CAMK2G: variants seen among roughly 807,000 people sequenced by gnomAD.
CAMK2G encodes calcium/calmodulin-dependent protein kinase type II subunit gamma.
Under a neutral mutation model 88.7 loss-of-function variants are expected in CAMK2G, and 23 were observed. The observed-to-expected ratio is 0.26, with a 90% CI of 0.19 to 0.37. The LOEUF (loss-of-function observed/expected upper bound fraction) is 0.37, where lower values mean the gene tolerates loss of function less well. Ranked by LOEUF, CAMK2G falls within the 10% of genes least tolerant of loss-of-function variation. The pLI is 1.00. For synonymous variants in CAMK2G, 263 were observed against 294.8 expected (o/e 0.89, Z 1.11); for missense variants, 476 against 780.8 (o/e 0.61, Z 4.65).
Position 73,819,561 on chromosome 10 carries a change from T to C in CAMK2G, c.1334A>G (p.Gln445Arg), listed in dbSNP as rs1243986572. 2.6e-6 allele frequency: 4 copies of C among 1,549,556 alleles called. No individual in the cohort carries two copies. Among genetic ancestry groups the C allele is most frequent in the Admixed American group, 2.0e-5 (1 of 51,008 alleles). ...RDRTAPSAGM[Q>R]PQPSLCSSAM... ...TGAGGAGCAGAGAGAAGGCTGGGGC[T>C]GCATGCCTGCAGAGGGGGCTGTTCT... Residue 445 changes from glutamine to arginine, a missense_variant, in exon 19 of 23, where the codon CAG becomes CGG. Coordinates refer to ENST00000423381, the MANE Select transcript of CAMK2G (RefSeq NM_001367534.1).
chr10:73,858,297 T>C (rs1477384563), intron 3 of CAMK2G, among the ~76,000 whole-genome samples: 1 of 152,180 alleles, frequency 6.6e-6, no homozygotes, highest in Non-Finnish European at 1.5e-5. Flanking sequence ...CCCGTTTGTT[T>C]CCCTTTGGGA....
intron 13 of CAMK2G, among the ~76,000 whole-genome samples, chr10:73,838,809 T>TA (rs1425296766): frequency 6.6e-6 from 1 of 152,032 alleles, no homozygotes; most frequent in Non-Finnish European, 1.5e-5. Flanking sequence ...CCTGGGAGCT[T>TA]AAAAAAAGCG....
intron 10 of CAMK2G, among the ~76,000 whole-genome samples, chr10:73,845,103 T>C (rs564705907): frequency 9.2e-5 from 14 of 152,186 alleles, no homozygotes; most frequent in East Asian, 1.9e-4. Flanking sequence ...TCAACCAGCA[T>C]AGGAACAGGC....
Position 73,839,668 on chromosome 10 carries a change from G to A in CAMK2G, c.947-67C>T. 9.9e-7 allele frequency: 1 copy of A among 1,006,414 alleles called. No homozygotes were observed. The highest frequency in any genetic ancestry group is 1.3e-6 in the Non-Finnish European group (1 of 781,246). 62.3% of individuals were successfully genotyped at this position (1,006,414 alleles called of 1,614,324 possible). A position where few individuals can be genotyped will look rare whatever the true frequency, so the allele number is the denominator to read the frequency against. ...CCACGGGGCCGTCAGCAGCGAGCAT[G>A]CCCCAGCGCGAGGCGCAGCCCAGGC... On this transcript the variant is annotated intron_variant, in intron 12 of 22. Coordinates refer to ENST00000423381, the MANE Select transcript of CAMK2G (RefSeq NM_001367534.1). This position sits in a 1 kb window ranked among gnomAD's most constrained non-coding sequence, Gnocchi z 4.2.
chr10:73,864,835 G>A (rs1001543290), intron 2 of CAMK2G, among the ~76,000 whole-genome samples: 1 of 152,210 alleles, frequency 6.6e-6, no homozygotes, highest in Admixed American at 6.5e-5. Context: ...CAGTAGAGAC[G>A]GGGTTTCACT....
chr10:73,869,830 T>C (rs147204855), intron 2 of CAMK2G, among the ~76,000 whole-genome samples: 124 of 152,340 alleles, frequency 8.1e-4, no homozygotes, highest in Middle Eastern at 6.8e-3. Context: ...TAGCATCTCT[T>C]AGTAAGGCCA....
At chr10:73,816,806 C>G (rs774587456) in intron 21 of CAMK2G, 1 of 1,521,072 alleles carries the variant, frequency 6.6e-7, no homozygotes, top group Non-Finnish European at 8.8e-7. Context: ...CACAAAGCAG[C>G]TGCAGAATGA....
intron 14 of CAMK2G, among the ~76,000 whole-genome samples, chr10:73,832,019 G>A (rs1294000000): frequency 6.6e-6 from 1 of 151,146 alleles, no homozygotes; most frequent in Non-Finnish European, 1.5e-5. Flanking sequence ...CCAAGTAGCT[G>A]GGATTACCAG....
At position 73,848,343 on chromosome 10, in the gene CAMK2G, T is replaced by C. The variant is rs2094396863; in HGVS notation, c.601+183A>G. Among the ~76,000 whole-genome samples the C allele has an allele frequency of 6.6e-6, 1 of 152,206 alleles. No homozygotes were observed. The highest frequency in any genetic ancestry group is 2.1e-4 in the South Asian group (1 of 4,836). On this transcript the variant is annotated intron_variant, in intron 8 of 22. Coordinates refer to ENST00000423381, the MANE Select transcript of CAMK2G (RefSeq NM_001367534.1). This position sits in a 1 kb window ranked among gnomAD's most constrained non-coding sequence, Gnocchi z 4.5. Reference sequence around the variant, plus strand: ...ATCCCTCTCCAAGAAGGATACAATGTCATCCCAGAAGTACGCAGGGAGGAG... The same window carrying C: ...ATCCCTCTCCAAGAAGGATACAATGCCATCCCAGAAGTACGCAGGGAGGAG...
At chr10:73,868,893 G>C (rs1207950956) in intron 2 of CAMK2G, among the ~76,000 whole-genome samples, 1 of 152,164 alleles carries the variant, frequency 6.6e-6, no homozygotes. Context: ...CCTTCTGGTG[G>C]CCAACATGCC....
chr10:73,847,419 C>T, intron 9 of CAMK2G, 72 bp from the exon 10 acceptor site: 3 of 1,507,552 alleles, frequency 2.0e-6, no homozygotes. Flanking sequence ...GTTCTGTCTT[C>T]AACTCAACTC....
chr10:73,816,060 T>C, intron 21 of CAMK2G: 5 of 985,480 alleles, frequency 5.1e-6, no homozygotes, highest in Non-Finnish European at 4.8e-6. Context: ...GCGGAGAAGT[T>C]AGTGACTAAC....
chr10:73,848,268 T>C lies in CAMK2G; in HGVS notation c.602-186A>G, dbSNP rs2094391178. Among the ~76,000 whole-genome samples the C allele has an allele frequency of 6.6e-6, 1 of 152,172 alleles. No homozygotes were observed. The highest frequency in any genetic ancestry group is 1.5e-5 in the Non-Finnish European group (1 of 68,028). On this transcript the variant is annotated intron_variant, in intron 8 of 22. Transcript: ENST00000423381. This position sits in a 1 kb window ranked among gnomAD's most constrained non-coding sequence, Gnocchi z 4.5. ...ATGCCTCACACTTCACGTCACCAAGTCACACCAGGGATTTCTTTAGGCACA... is the reference window on the plus strand; with the variant it reads ...ATGCCTCACACTTCACGTCACCAAGCCACACCAGGGATTTCTTTAGGCACA...
At chr10:73,846,180 A>G (rs761932217) in intron 10 of CAMK2G, among the ~76,000 whole-genome samples, 2 of 152,144 alleles carry the variant, frequency 1.3e-5, no homozygotes, top group Non-Finnish European at 2.9e-5. Context: ...ATAAAATCCA[A>G]ACTCCTGAGG....
At chr10:73,864,307 G>A (rs893827652) in intron 2 of CAMK2G, among the ~76,000 whole-genome samples, 2 of 151,690 alleles carry the variant, frequency 1.3e-5, no homozygotes, top group African/African-American at 4.8e-5. Flanking sequence ...AAAAAAAAAA[G>A]AAATATTTAC....
intron 22 of CAMK2G, 145 bp downstream of exon 22, chr10:73,814,858 A>G: frequency 1.6e-6 from 1 of 611,910 alleles, no homozygotes; most frequent in South Asian, 1.9e-5. Flanking sequence ...AGCATAACTT[A>G]TTGCAACCAT....
At chr10:73,862,131 G>A (rs539466665) in intron 2 of CAMK2G, among the ~76,000 whole-genome samples, 1 of 152,288 alleles carries the variant, frequency 6.6e-6, no homozygotes, top group South Asian at 2.1e-4. Flanking sequence ...GGAAGGCAGA[G>A]CTCCAGTACG....
At chr10:73,825,699 A>T (rs1187005364) in intron 15 of CAMK2G, among the ~76,000 whole-genome samples, 1 of 152,236 alleles carries the variant, frequency 6.6e-6, no homozygotes, top group Admixed American at 6.5e-5. Flanking sequence ...AAAGGGGGGT[A>T]GTTTATAAGA....
At chr10:73,837,571 T>G (rs2093371052) in intron 13 of CAMK2G, 60 bp from the exon 14 acceptor site, 4 of 1,355,792 alleles carry the variant, frequency 3.0e-6, no homozygotes, top group Non-Finnish European at 4.2e-6. Flanking sequence ...CAACCTGAAG[T>G]CCGGCAGCCA....
Sources: gnomAD v4.1 joint callset for allele counts (sites outside exome capture counted in the v4.1 genomes callset) on GRCh38, gnomAD v4.1.1 for gene constraint, Gnocchi (gnomAD v3.1) non-coding constraint, MANE v1.5 for transcripts, NCBI Gene and HGNC (gene_info 2026-07-23, HGNC 2026-07-21) for gene names.